The following SETD3 variants were observed in gnomAD, a reference collection of about 807,000 sequenced individuals.
SETD3 encodes the protein SET domain containing 3, actin N3(tau)-histidine methyltransferase, also known as actin-histidine N-methyltransferase.
A neutral mutation model predicts 63.0 loss-of-function variants in SETD3; 19 were observed. The observed-to-expected ratio is 0.30, with a 90% CI of 0.21 to 0.44. SETD3 has a LOEUF of 0.44. SETD3 is among the 20% of genes least tolerant of loss of function. The probability of loss-of-function intolerance (pLI) is 1.00; values close to 1 mark genes in which losing one functional copy is unlikely to be tolerated. For missense variants in SETD3, 587 were observed against 728.5 expected, an observed-to-expected ratio of 0.81 and a Z score of 2.24; for synonymous variants, 286 against 264.1, an observed-to-expected ratio of 1.08 and a Z score of -0.80.
chr14:99,442,798 G>A (rs978003816), intron 6 of SETD3, among the ~76,000 whole-genome samples: 2 of 152,142 alleles, frequency 1.3e-5, no homozygotes, highest in African/African-American at 4.8e-5. Context: ...TATGGATTTC[G>A]ACTGCATGGG....
chr14:99,429,069 T>A (rs1453040652), intron 6 of SETD3, among the ~76,000 whole-genome samples: 4 of 152,212 alleles, frequency 2.6e-5, no homozygotes. Context: ...AACATATGAC[T>A]ATTAGTCAAG....
chr14:99,469,651 T>TG (rs1487707631), intron 1 of SETD3, among the ~76,000 whole-genome samples: 1 of 152,144 alleles, frequency 6.6e-6, no homozygotes, highest in Non-Finnish European at 1.5e-5. Flanking sequence ...GAGGCTCAGG[T>TG]GGGAGGATCC....
chr14:99,445,234 C>A (rs561574811), intron 6 of SETD3, among the ~76,000 whole-genome samples: 1 of 152,228 alleles, frequency 6.6e-6, no homozygotes, highest in Non-Finnish European at 1.5e-5. Context: ...TATAAACTAA[C>A]GGCAACAGAA....
intron 6 of SETD3, among the ~76,000 whole-genome samples, chr14:99,449,525 G>A (rs920991522): frequency 6.6e-6 from 1 of 152,094 alleles, no homozygotes. Context: ...CATACTGAGG[G>A]ACCTCTACAA....
Position 99,453,739 on chromosome 14 carries a change from T to C in SETD3, c.675+4540A>G, listed in dbSNP as rs190920988. ...TACTCAGGAGGCTGAGGCAGGAGAATTGCTTGAACCCGGGAGGCTGAGGTT... is the reference window on the plus strand; with the variant it reads ...TACTCAGGAGGCTGAGGCAGGAGAACTGCTTGAACCCGGGAGGCTGAGGTT... On this transcript the variant is annotated intron_variant, in intron 6 of 12. Transcript: ENST00000331768. Among the ~76,000 whole-genome samples the C allele has an allele frequency of 1.4e-4, 21 of 151,990 alleles. No individual in the cohort carries two copies. The East Asian group carries it at 2.1e-3, about 15-fold the overall frequency.
chr14:99,471,607 T>C (rs1238168569), intron 1 of SETD3, among the ~76,000 whole-genome samples: 3 of 152,198 alleles, frequency 2.0e-5, no homozygotes, highest in East Asian at 1.9e-4. Context: ...TGAATAGCCA[T>C]TGGGCTGGAG....
intron 8 of SETD3, chr14:99,409,988 T>G (rs1595153698): frequency 2.4e-5 from 10 of 411,972 alleles, no homozygotes; most frequent in East Asian, 7.4e-5. Context: ...GGCGGGGGGG[T>G]GAACCAACAA....
In SETD3 at chr14:99,399,134, CAA is replaced by C. The variant is rs776333035; in HGVS notation, c.1339-11_1339-10del. On this transcript the variant is annotated splice_polypyrimidine_tract_variant and intron_variant, in intron 12 of 12. Coordinates refer to ENST00000331768, the MANE Select transcript of SETD3 (RefSeq NM_032233.3). ...AAGACGGATTTATCTTCCTGGAAAA[CAA>C]GAGCAAAATTAATTACAAGAAGTCT... 12 of 1,610,526 alleles carry C rather than the reference CAA, an allele frequency of 7.5e-6. No individual in the cohort carries two copies. The highest frequency in any genetic ancestry group is 4.0e-5 in the African/African-American group (3 of 74,606).
In SETD3 at chr14:99,411,112, T is replaced by C. The variant is rs1401099115; in HGVS notation, c.849+1839A>G. On this transcript the variant is annotated intron_variant, in intron 8 of 12. Coordinates refer to ENST00000331768, the MANE Select transcript of SETD3 (RefSeq NM_032233.3). ...TTCCCATGAGATCTTATAATTACAA[T>C]GGGAAACAGTTCAACAAGAGTGCAG... Among the ~76,000 whole-genome samples the C allele has an allele frequency of 3.3e-5, 5 of 152,204 alleles. No individual in the cohort carries two copies. The East Asian group carries it at 5.8e-4, about 18-fold the overall frequency.
At chr14:99,482,518 A>G (rs1896369870), upstream of SETD3, among the ~76,000 whole-genome samples, 1 of 152,220 alleles carries the variant, frequency 6.6e-6, no homozygotes, top group Admixed American at 6.5e-5. Flanking sequence ...CTGTTAAATA[A>G]TCTTGACTAT....
chr14:99,464,550 A>C (rs1595260918), intron 2 of SETD3, among the ~76,000 whole-genome samples: 1 of 152,142 alleles, frequency 6.6e-6, no homozygotes. Context: ...GCCACACTCC[A>C]CCGGCCAGTA....
At chr14:99,443,186 A>G (rs1566713737) in intron 6 of SETD3, among the ~76,000 whole-genome samples, 1 of 151,752 alleles carries the variant, frequency 6.6e-6, no homozygotes, top group African/African-American at 2.4e-5. Flanking sequence ...CACTTTTCCC[A>G]TTTAAAAACA....
chr14:99,450,349 T>G (rs1181561683), intron 6 of SETD3, among the ~76,000 whole-genome samples: 1 of 152,242 alleles, frequency 6.6e-6, no homozygotes, highest in Non-Finnish European at 1.5e-5. Flanking sequence ...ATTCACATCT[T>G]GTGCTATTCT....
intron 1 of SETD3, among the ~76,000 whole-genome samples, chr14:99,466,845 G>A (rs1895412706): frequency 6.6e-6 from 1 of 152,216 alleles, no homozygotes; most frequent in Admixed American, 6.5e-5. Context: ...CCAAGAAGCT[G>A]GTAGGGCGAT....
intron 6 of SETD3, among the ~76,000 whole-genome samples, chr14:99,437,562 C>A (rs1893553208): frequency 1.3e-5 from 2 of 152,178 alleles, no homozygotes; most frequent in Admixed American, 1.3e-4. Context: ...ACGTTCTTCA[C>A]ACGTCAGTGG....
intron 11 of SETD3, among the ~76,000 whole-genome samples, chr14:99,401,377 T>C (rs1301629779): frequency 6.6e-6 from 1 of 152,232 alleles, no homozygotes; most frequent in Non-Finnish European, 1.5e-5. Context: ...ATGCTTCTTA[T>C]GTGATTAGGA....
intron 6 of SETD3, among the ~76,000 whole-genome samples, chr14:99,426,851 A>G (rs1248464465): frequency 6.6e-6 from 1 of 152,194 alleles, no homozygotes; most frequent in African/African-American, 2.4e-5. Context: ...GGATCATCCC[A>G]GCCTCCAAAG....
chr14:99,442,564 T>A (rs947438406), intron 6 of SETD3, among the ~76,000 whole-genome samples: 5 of 152,204 alleles, frequency 3.3e-5, no homozygotes, highest in African/African-American at 1.2e-4. Context: ...AATGTCACAA[T>A]GACGAAGATG....
intron 6 of SETD3, among the ~76,000 whole-genome samples, chr14:99,456,119 CA>C (rs1894745433): frequency 6.6e-6 from 1 of 152,162 alleles, no homozygotes; most frequent in Non-Finnish European, 1.5e-5. Flanking sequence ...CATGCCACTA[CA>C]CTCTAGCCTG....
Sources: allele counts gnomAD v4.1 joint callset (sites outside exome capture counted in the v4.1 genomes callset), GRCh38; gene constraint gnomAD v4.1.1; transcripts MANE v1.5; gene names NCBI Gene and HGNC (gene_info 2026-07-23, HGNC 2026-07-21).